FAM161B: variants seen among roughly 807,000 people sequenced by gnomAD.
FAM161B encodes the protein protein FAM161B.
FAM161B carries 46 observed loss-of-function variants against 61.5 expected under a neutral mutation model. The ratio of observed to expected loss-of-function variants is 0.75; its 90% confidence interval spans 0.59 to 0.96. FAM161B has a LOEUF of 0.96. Ranked by LOEUF, FAM161B falls within the 40% of genes least tolerant of loss-of-function variation. The probability of loss-of-function intolerance (pLI) is 0.00; values close to 1 mark genes in which losing one functional copy is unlikely to be tolerated. For synonymous variants in FAM161B, 284 were observed against 302.7 expected (o/e 0.94, Z 0.64); for missense variants, 774 against 800.7 (o/e 0.97, Z 0.40).
intron 4 of FAM161B, among the ~76,000 whole-genome samples, chr14:73,941,621 A>G (rs969227254): frequency 2.0e-5 from 3 of 151,978 alleles, no homozygotes; most frequent in African/African-American, 7.3e-5. Flanking sequence ...ACTGATCCCA[A>G]CTCCTTGCCT....
the FAM161B span, among the ~76,000 whole-genome samples, chr14:73,925,661 C>G: frequency 6.6e-6 from 1 of 152,146 alleles, no homozygotes; most frequent in Admixed American, 6.6e-5. Context: ...CTCCTGACCT[C>G]AAGTGATCCA....
At chr14:73,931,677 C>A, downstream of FAM161B, 2 of 751,300 alleles carry the variant, frequency 2.7e-6, no homozygotes, top group Non-Finnish European at 2.3e-6. Context: ...CACTCTTCCT[C>A]TTTCCTGGTA....
chr14:73,932,619 A>G lies in FAM161B; in HGVS notation c.*1637T>C. On this transcript the variant is annotated 3_prime_UTR_variant, in exon 9 of 9. Transcript: ENST00000286544. ...CTGTCTCCACAGCTACTGAGAAAATATCCACTCATCATCATTATGATTTGA... is the reference window on the plus strand; with the variant it reads ...CTGTCTCCACAGCTACTGAGAAAATGTCCACTCATCATCATTATGATTTGA... 1 of 380,894 alleles carries G rather than the reference A, an allele frequency of 2.6e-6. No homozygotes were observed. The highest frequency in any genetic ancestry group is 5.1e-6 in the Non-Finnish European group (1 of 196,284). The allele number at this position is 380,894 out of a possible 1,614,324, so 23.6% of individuals were successfully genotyped here. A position where few individuals can be genotyped will look rare whatever the true frequency, so the allele number is the denominator to read the frequency against.
the FAM161B span, among the ~76,000 whole-genome samples, chr14:73,925,875 CA>C: frequency 2.0e-5 from 3 of 150,982 alleles, no homozygotes; most frequent in Non-Finnish European, 3.0e-5. Flanking sequence ...ACAAAAAATA[CA>C]AAAAAAAATT....
In FAM161B at chr14:73,934,318, G is replaced by T; in HGVS notation, c.1882C>A (p.Pro628Thr). The change falls in exon 9 of 9, where the codon CCC (proline) becomes ACC (threonine). Residue 628 changes from proline (P) to threonine (T), a missense_variant. Coordinates refer to ENST00000286544, the MANE Select transcript of FAM161B (RefSeq NM_152445.3). ...GACAGCTCCTCCAGTACTTTCCTGG[G>T]GCTTGCAGGCTGTTCTAGAGATCCT... is the stretch of plus-strand genomic sequence containing the variant. ...LEGSLEQPAS[P>T]RKVLEELSHQ... The T allele has an allele frequency of 6.2e-7, 1 of 1,614,006 alleles. No individual in the cohort carries two copies. Among genetic ancestry groups the T allele is most frequent in the Non-Finnish European group, 8.5e-7 (1 of 1,179,994 alleles).
chr14:73,938,000 C>T lies in FAM161B; in HGVS notation c.1513G>A (p.Asp505Asn), dbSNP rs779749537. The change falls in exon 6 of 9, where the codon GAT (aspartate) becomes AAT (asparagine). Residue 505 changes from aspartate to asparagine, a missense_variant. Coordinates refer to ENST00000286544, the MANE Select transcript of FAM161B (RefSeq NM_152445.3). ...ACTTCCTCCAGGCTTTTATGGGGATCCATGGCTTTTGCACGCAAGGTCACA... is the reference window on the plus strand; with the variant it reads ...ACTTCCTCCAGGCTTTTATGGGGATTCATGGCTTTTGCACGCAAGGTCACA... ...KSVTLRAKAM[D>N]PHKSLEEVFK... 1 of 1,614,198 alleles carries T rather than the reference C, an allele frequency of 6.2e-7. No homozygotes were observed. The highest frequency in any genetic ancestry group is 2.2e-5 in the East Asian group (1 of 44,882).
chr14:73,945,602 T>A (rs978364891), intron 2 of FAM161B, among the ~76,000 whole-genome samples: 19 of 152,122 alleles, frequency 1.2e-4, no homozygotes, highest in African/African-American at 4.3e-4. Flanking sequence ...CTAATTTTTT[T>A]ATATTTTTAG....
rs2055950089 is a variant in FAM161B at position 73,934,097 on chromosome 14, C to G, written c.*159G>C. On this transcript the variant is annotated 3_prime_UTR_variant, in exon 9 of 9. Coordinates refer to ENST00000286544, the MANE Select transcript of FAM161B (RefSeq NM_152445.3). ...TCAGCCTCCCAAAGTGTTGGGATTA[C>G]AGGCGTGAGCCACTGCGCCTGGCCT... is the stretch of plus-strand genomic sequence containing the variant. 4 of 799,964 alleles carry G rather than the reference C, an allele frequency of 5.0e-6. No individual in the cohort carries two copies. The East Asian group carries it at 1.2e-4, about 24-fold the overall frequency. 49.6% of individuals were successfully genotyped at this position (799,964 alleles called of 1,614,324 possible). A position where few individuals can be genotyped will look rare whatever the true frequency, so the allele number is the denominator to read the frequency against.
chr14:73,943,819 C>CCATGGCACAGTGCCTGGAG (rs148637004), intron 3 of FAM161B, among the ~76,000 whole-genome samples: 4,931 of 152,274 alleles, frequency 0.032, 157 homozygotes, highest in African/African-American at 0.082. Flanking sequence ...TGTGTGTTCA[C>CCATGGCACAGTGCCTGGAG]CATGGCACAG....
At chr14:73,945,988 T>C (rs2056062872) in intron 2 of FAM161B, among the ~76,000 whole-genome samples, 3 of 152,096 alleles carry the variant, frequency 2.0e-5, no homozygotes, top group Admixed American at 1.3e-4. Flanking sequence ...GTGATCCGCC[T>C]GCCTCAGCCT....
chr14:73,935,043 C>T (rs2055959397), intron 8 of FAM161B, among the ~76,000 whole-genome samples: 1 of 142,788 alleles, frequency 7.0e-6, no homozygotes, highest in South Asian at 2.4e-4. Flanking sequence ...AACCTGGCGA[C>T]GGAGCAAGAC....
rs1318811817 is a variant in FAM161B, at chr14:73,933,252, T to G, written c.*1004A>C. 1.3e-5 allele frequency: 2 copies of G among 152,254 alleles called. No individual in the cohort carries two copies. Among genetic ancestry groups the G allele is most frequent in the Admixed American group, 1.3e-4 (2 of 15,278 alleles). 9.4% of individuals were successfully genotyped at this position (152,254 alleles called of 1,614,324 possible). ...TTGCCCCCTGGGGATATGCAATATCTGGAGACATTTTTGGTTGTCACAGCT... is the reference window on the plus strand; with the variant it reads ...TTGCCCCCTGGGGATATGCAATATCGGGAGACATTTTTGGTTGTCACAGCT... On this transcript the variant is annotated 3_prime_UTR_variant, in exon 9 of 9. Transcript: ENST00000286544.
intron 5 of FAM161B, among the ~76,000 whole-genome samples, chr14:73,939,665 AT>A (rs1313061103): frequency 1.3e-5 from 2 of 152,232 alleles, no homozygotes; most frequent in African/African-American, 4.8e-5. Context: ...AAATCTGCAC[AT>A]TCAGAGAGAA....
chr14:73,932,527 A>G lies in FAM161B; in HGVS notation c.*1729T>C, dbSNP rs757059909. 2.3e-6 allele frequency: 1 copy of G among 442,406 alleles called. No homozygotes were observed. Among genetic ancestry groups the G allele is most frequent in the Non-Finnish European group, 4.5e-6 (1 of 223,692 alleles). The allele number at this position is 442,406 out of a possible 1,614,324, so 27.4% of individuals were successfully genotyped here. ...GATACTTCTGAATTTTTCCACAAAG[A>G]TAGTTTTTTTAAAAAAGCTTGAGAA... is the stretch of plus-strand genomic sequence containing the variant. On this transcript the variant is annotated 3_prime_UTR_variant, in exon 9 of 9. Coordinates refer to ENST00000286544, the MANE Select transcript of FAM161B (RefSeq NM_152445.3).
At chr14:73,930,961 G>A (rs186798929), downstream of FAM161B, among the ~76,000 whole-genome samples, 2 of 152,266 alleles carry the variant, frequency 1.3e-5, no homozygotes, top group African/African-American at 4.8e-5. Context: ...CCTTTGAATA[G>A]AGCCTTGTGT....
chr14:73,943,319 C>T (rs551245749), intron 3 of FAM161B, among the ~76,000 whole-genome samples: 1 of 152,330 alleles, frequency 6.6e-6, no homozygotes, highest in South Asian at 2.1e-4. Context: ...CAACATCCCT[C>T]CAGTCTTGCT....
rs979280272 is a variant in FAM161B at position 73,940,977 on chromosome 14, G to A, written c.1349C>T (p.Thr450Ile). 1.2e-6 allele frequency: 2 copies of A among 1,613,840 alleles called. No individual in the cohort carries two copies. The highest frequency in any genetic ancestry group is 1.7e-6 in the Non-Finnish European group (2 of 1,179,886). Residue 450 changes from threonine (T) to isoleucine (I), a missense_variant, in exon 5 of 9, where the codon ACT becomes ATT. Physicochemically the swap from Thr to Ile is moderately conservative, Grantham distance 89. Coordinates refer to ENST00000286544, the MANE Select transcript of FAM161B (RefSeq NM_152445.3). ...LSGLASLSANTLPVHITDATR... is the reference protein window; with the variant it reads ...LSGLASLSANILPVHITDATR... Reference sequence around the variant, plus strand: ...GGCATCTGTGATGTGCACAGGGAGAGTGTTGGCAGAGAGGGAAGCAAGGCC... The same window carrying A: ...GGCATCTGTGATGTGCACAGGGAGAATGTTGGCAGAGAGGGAAGCAAGGCC...
chr14:73,949,872 G>T, intron 1 of FAM161B, 101 bp downstream of exon 1: 3 of 1,497,436 alleles, frequency 2.0e-6, no homozygotes, highest in Non-Finnish European at 1.8e-6. Flanking sequence ...TTAATCCCAC[G>T]CCCCTCCGTG....
downstream of FAM161B, among the ~76,000 whole-genome samples, chr14:73,931,160 C>T (rs1466066223): frequency 5.3e-5 from 8 of 152,108 alleles, no homozygotes; most frequent in Admixed American, 1.3e-4. Flanking sequence ...TTGGCTGACA[C>T]GTATAAGATT....
Sources: allele counts gnomAD v4.1 joint callset (sites outside exome capture counted in the v4.1 genomes callset), GRCh38; gene constraint gnomAD v4.1.1; transcripts MANE v1.5; gene names NCBI Gene and HGNC (gene_info 2026-07-23, HGNC 2026-07-21).